Variants in MBOAT2 observed in about 807,000 individuals in gnomAD.
MBOAT2 encodes the protein membrane-bound glycerophospholipid O-acyltransferase 2.
A neutral mutation model predicts 63.4 loss-of-function variants in MBOAT2; 28 were observed. The observed-to-expected ratio is 0.44, with a 90% CI of 0.33 to 0.61. The LOEUF (loss-of-function observed/expected upper bound fraction) is 0.61, where lower values mean the gene tolerates loss of function less well. Ranked by LOEUF, MBOAT2 falls within the 20% of genes least tolerant of loss-of-function variation. The pLI, the probability that MBOAT2 is intolerant of heterozygous loss-of-function variation, is 0.03. For synonymous variants in MBOAT2, 211 were observed against 215.6 expected (o/e 0.98, Z 0.19); for missense variants, 470 against 605.8 (o/e 0.78, Z 2.35).
chr2:8,933,611 G>A (rs192215838), intron 3 of MBOAT2, among the ~76,000 whole-genome samples: 2 of 152,246 alleles, frequency 1.3e-5, no homozygotes, highest in African/African-American at 2.4e-5. Context: ...CAAAGCACTT[G>A]GGGTTACAGG....
At chr2:8,998,360 G>A (rs896120026) in intron 1 of MBOAT2, among the ~76,000 whole-genome samples, 8 of 152,168 alleles carry the variant, frequency 5.3e-5, no homozygotes, top group Non-Finnish European at 1.0e-4. Flanking sequence ...TCTAAACCTA[G>A]AGCATTCAAA....
Position 8,873,141 on chromosome 2 carries a change from C to T in MBOAT2, c.850G>A (p.Ala284Thr), listed in dbSNP as rs959389480. Reference sequence around the variant, plus strand: ...CATGCAAAATAGTATTTGGGTCTGGCAGCCAAAAGAGAGATATACAGATAG... The same window carrying T: ...CATGCAAAATAGTATTTGGGTCTGGTAGCCAAAAGAGAGATATACAGATAG... ...IIYLYISLLA[A>T]RPKYYFAWTL... The change falls in exon 8 of 13, where the codon GCC becomes ACC. Residue 284 changes from alanine to threonine, a missense_variant. Physicochemically the swap from Ala to Thr is moderately conservative, Grantham distance 58 (BLOSUM62 0). Transcript: ENST00000305997. 1 of 1,613,968 alleles carries T rather than the reference C, an allele frequency of 6.2e-7. No individual in the cohort carries two copies. Among genetic ancestry groups the T allele is most frequent in the Non-Finnish European group, 8.5e-7 (1 of 1,179,922 alleles).
intron 12 of MBOAT2, among the ~76,000 whole-genome samples, chr2:8,859,424 T>C (rs192912397): frequency 6.6e-6 from 1 of 152,302 alleles, no homozygotes; most frequent in Non-Finnish European, 1.5e-5. Flanking sequence ...ATTAAAAATA[T>C]TGAAAACATC....
rs144007898 is a variant in MBOAT2, at chr2:8,992,640, A to G, written c.75+10900T>C. Among the ~76,000 whole-genome samples the G allele has an allele frequency of 3.0e-4, 46 of 152,372 alleles. 1 individual carries two copies. The East Asian group carries it at 7.9e-3, about 26-fold the overall frequency. On this transcript the variant is annotated intron_variant, in intron 1 of 12. Transcript: ENST00000305997. ...ATATATCTAAAATTATATGTTATGT[A>G]TCACCCTGACCTTCCACTAACACCT...
intron 2 of MBOAT2, among the ~76,000 whole-genome samples, chr2:8,956,906 T>C (rs985606417): frequency 6.6e-6 from 1 of 152,180 alleles, no homozygotes; most frequent in Non-Finnish European, 1.5e-5. Context: ...TACACAACTG[T>C]AGGAGATATT....
chr2:8,929,277 T>C (rs1040151482), intron 3 of MBOAT2, among the ~76,000 whole-genome samples: 14 of 152,220 alleles, frequency 9.2e-5, no homozygotes, highest in African/African-American at 3.4e-4. Flanking sequence ...TTACATGCAT[T>C]GGGGGTAAGA....
At chr2:8,898,329 G>A (rs914576694) in intron 4 of MBOAT2, among the ~76,000 whole-genome samples, 18 of 152,144 alleles carry the variant, frequency 1.2e-4, no homozygotes, top group South Asian at 8.3e-4. Flanking sequence ...TGCTGTATCC[G>A]GGGATCCATA....
intron 4 of MBOAT2, among the ~76,000 whole-genome samples, chr2:8,893,973 C>CT (rs1171199926): frequency 1.3e-5 from 2 of 151,884 alleles, no homozygotes; most frequent in African/African-American, 2.4e-5. Flanking sequence ...TTTTAATACT[C>CT]TAAGTTCTGG....
intron 3 of MBOAT2, among the ~76,000 whole-genome samples, chr2:8,930,843 A>G (rs1224878049): frequency 6.6e-6 from 1 of 151,940 alleles, no homozygotes. Context: ...GTGCACATGT[A>G]CCCTAAAACT....
chr2:8,953,142 T>G (rs946594005), intron 2 of MBOAT2, among the ~76,000 whole-genome samples: 3 of 152,130 alleles, frequency 2.0e-5, no homozygotes, highest in South Asian at 4.2e-4. Context: ...CCCTTAAGGA[T>G]CTAAGGCTGG....
In MBOAT2 at chr2:8,874,979, C is replaced by T. The variant is rs1482115005; in HGVS notation, c.691-1679G>A. ...GGGCCCCCATATTATCAATGCACTG[C>T]TTACAGGTGAGCTGTCCCACATATA... On this transcript the variant is annotated intron_variant, in intron 7 of 12. Coordinates refer to ENST00000305997, the MANE Select transcript of MBOAT2 (RefSeq NM_138799.4). Among the ~76,000 whole-genome samples the T allele has an allele frequency of 6.6e-5, 10 of 152,194 alleles. 1 individual carries two copies. The highest frequency in any genetic ancestry group is 6.5e-4 in the Admixed American group (10 of 15,284).
intron 1 of MBOAT2, chr2:8,974,565 C>A: frequency 2.8e-6 from 1 of 360,868 alleles, no homozygotes; most frequent in Non-Finnish European, 5.6e-6. Flanking sequence ...TAACAGACGT[C>A]TCCAGCGGAA....
chr2:8,908,437 C>G (rs1017326101), intron 4 of MBOAT2, 184 bp downstream of exon 4: 4 of 465,976 alleles, frequency 8.6e-6, no homozygotes, highest in Non-Finnish European at 1.5e-5. Flanking sequence ...AAGGCTCTTA[C>G]TGACTTAGAT....
Position 8,862,760 on chromosome 2 carries a change from G to C in MBOAT2, c.1053-38C>G. On this transcript the variant is annotated intron_variant, in intron 10 of 12. Transcript: ENST00000305997. The surrounding 1 kb of genome is among the most constrained non-coding windows in gnomAD (Gnocchi z 4.3). Reference sequence around the variant, plus strand: ...AAAAACATGGAGAGCCAAGTGGAGTGAGTGACCCGAGTTTACAAAGCCTGC... The same window carrying C: ...AAAAACATGGAGAGCCAAGTGGAGTCAGTGACCCGAGTTTACAAAGCCTGC... 2 of 1,586,318 alleles carry C rather than the reference G, an allele frequency of 1.3e-6. No homozygotes were observed. Among genetic ancestry groups the C allele is most frequent in the Non-Finnish European group, 1.7e-6 (2 of 1,169,520 alleles).
chr2:8,900,408 C>T (rs1460349559), intron 4 of MBOAT2, among the ~76,000 whole-genome samples: 1 of 152,174 alleles, frequency 6.6e-6, no homozygotes, highest in Non-Finnish European at 1.5e-5. Flanking sequence ...AAGGTTTGCC[C>T]TAGACCCTGT....
At chr2:8,973,636 TA>T (rs1455150148) in intron 1 of MBOAT2, among the ~76,000 whole-genome samples, 1 of 147,710 alleles carries the variant, frequency 6.8e-6, no homozygotes, top group Admixed American at 6.7e-5. Context: ...ATATCAATAA[TA>T]AAAACAGTAT....
intron 3 of MBOAT2, among the ~76,000 whole-genome samples, chr2:8,941,647 C>T (rs1668058736): frequency 6.7e-6 from 1 of 149,114 alleles, no homozygotes; most frequent in Admixed American, 6.7e-5. Flanking sequence ...GAGACTCCGT[C>T]TCAAAGGAAA....
At chr2:8,930,511 G>T (rs957838963) in intron 3 of MBOAT2, among the ~76,000 whole-genome samples, 1 of 151,994 alleles carries the variant, frequency 6.6e-6, no homozygotes, top group Non-Finnish European at 1.5e-5. Context: ...CCAAGTCTTT[G>T]CTATTGTGAA....
At chr2:8,994,996 T>A (rs531510892) in intron 1 of MBOAT2, among the ~76,000 whole-genome samples, 1 of 152,358 alleles carries the variant, frequency 6.6e-6, no homozygotes, top group East Asian at 1.9e-4. Flanking sequence ...CATACGTTGC[T>A]CTAAGCAATT....
Sources: gnomAD v4.1 joint callset for allele counts (sites outside exome capture counted in the v4.1 genomes callset) on GRCh38, gnomAD v4.1.1 for gene constraint, Gnocchi (gnomAD v3.1) non-coding constraint, MANE v1.5 for transcripts, NCBI Gene and HGNC (gene_info 2026-07-23, HGNC 2026-07-21) for gene names.